MARCHF1: variants seen among roughly 807,000 people sequenced by gnomAD.
The protein encoded by MARCHF1 is E3 ubiquitin-protein ligase MARCHF1.
A neutral mutation model predicts 54.2 loss-of-function variants in MARCHF1; 40 were observed. The ratio of observed to expected loss-of-function variants is 0.74; its 90% CI spans 0.57 to 0.96. The LOEUF (loss-of-function observed/expected upper bound fraction) is 0.96, where lower values mean the gene tolerates loss of function less well. Ranked by LOEUF, MARCHF1 falls within the 40% of genes least tolerant of loss-of-function variation. MARCHF1 has a pLI of 0.00. For synonymous variants in MARCHF1, 236 were observed against 236.3 expected, an observed-to-expected ratio of 1.00 and a Z score of 0.01; for missense variants, 586 against 656.5, an observed-to-expected ratio of 0.89 and a Z score of 1.17.
chr4:163,805,094 T>C (rs1368967408), intron 4 of MARCHF1, among the ~76,000 whole-genome samples: 2 of 152,150 alleles, frequency 1.3e-5, no homozygotes, highest in African/African-American at 4.8e-5. Flanking sequence ...TATATACATA[T>C]GTACCCACAT....
At chr4:163,743,657 C>T (rs1194273535) in intron 4 of MARCHF1, among the ~76,000 whole-genome samples, 1 of 149,050 alleles carries the variant, frequency 6.7e-6, no homozygotes, top group African/African-American at 2.5e-5. Context: ...GGGCTCACTG[C>T]AAGCTCCGCT....
intron 1 of MARCHF1, among the ~76,000 whole-genome samples, chr4:164,278,783 C>T (rs554729343): frequency 4.6e-5 from 7 of 152,208 alleles, no homozygotes; most frequent in African/African-American, 1.2e-4. Context: ...AAGAGGGGAG[C>T]GGTTAAAACC....
intron 5 of MARCHF1, among the ~76,000 whole-genome samples, chr4:163,650,312 A>G (rs1742919599): frequency 6.6e-6 from 1 of 152,026 alleles, no homozygotes; most frequent in Non-Finnish European, 1.5e-5. Flanking sequence ...GTTAAAGGTT[A>G]GAAGTAAATA....
intron 1 of MARCHF1, among the ~76,000 whole-genome samples, chr4:164,114,400 T>A (rs927097980): frequency 4.0e-5 from 6 of 151,820 alleles, no homozygotes; most frequent in African/African-American, 1.2e-4. Flanking sequence ...GCTTCCAGTA[T>A]GATATGAATT....
intron 5 of MARCHF1, among the ~76,000 whole-genome samples, chr4:163,644,245 C>G (rs1396894107): frequency 1.3e-5 from 2 of 152,150 alleles, no homozygotes; most frequent in Non-Finnish European, 2.9e-5. Context: ...ATTTCCCAGC[C>G]ATCCATTGCA....
At chr4:163,565,282 T>C (rs539215394) in intron 8 of MARCHF1, among the ~76,000 whole-genome samples, 205 of 152,334 alleles carry the variant, frequency 1.3e-3, no homozygotes, top group African/African-American at 4.6e-3. Flanking sequence ...TTCACTGTAA[T>C]GACATGATAT....
At chr4:164,165,126 A>T (rs1200384917) in intron 1 of MARCHF1, among the ~76,000 whole-genome samples, 2 of 151,972 alleles carry the variant, frequency 1.3e-5, no homozygotes, top group Non-Finnish European at 2.9e-5. Flanking sequence ...AGAATCTTTG[A>T]GCTGTGGTTC....
intron 1 of MARCHF1, among the ~76,000 whole-genome samples, chr4:164,203,480 C>T (rs952312211): frequency 2.6e-5 from 4 of 152,158 alleles, no homozygotes; most frequent in Admixed American, 2.0e-4. Context: ...TTCCTTCTTA[C>T]TCCATGGAAG....
intron 3 of MARCHF1, among the ~76,000 whole-genome samples, chr4:163,959,086 C>T (rs1018072974): frequency 6.6e-6 from 1 of 151,756 alleles, no homozygotes; most frequent in Non-Finnish European, 1.5e-5. Context: ...AATCTGTTCC[C>T]CAGGTTGATC....
At chr4:164,104,052 A>G (rs909499688) in intron 2 of MARCHF1, among the ~76,000 whole-genome samples, 4 of 151,568 alleles carry the variant, frequency 2.6e-5, no homozygotes, top group Non-Finnish European at 5.9e-5. Context: ...GCACTCTCCC[A>G]AGACTAAACC....
chr4:163,579,051 C>G (rs1462909512), intron 8 of MARCHF1, among the ~76,000 whole-genome samples: 1 of 152,120 alleles, frequency 6.6e-6, no homozygotes, highest in African/African-American at 2.4e-5. Context: ...TCTGAACAAC[C>G]TACTCTATAA....
Position 163,994,257 on chromosome 4 carries a change from A to AGGTGT in MARCHF1, c.-247-5549_-247-5548insACACC, listed in dbSNP as rs1240127790. 2.4e-3 allele frequency among the ~76,000 whole-genome samples: 323 copies of AGGTGT among 137,130 alleles called. 1 individual carries two copies. Among genetic ancestry groups the AGGTGT allele is most frequent in the African/African-American group, 8.4e-3 (311 of 36,870 alleles). 90.0% of individuals were successfully genotyped at this position (137,130 alleles called of 152,430 possible). A position where few individuals can be genotyped will look rare whatever the true frequency, so the allele number is the denominator to read the frequency against. On this transcript the variant is annotated intron_variant, in intron 2 of 9. Transcript: ENST00000514618. ...TATCGCTGAAGAATGATAGAGAAAA[A>AGGTGT]GTGTGTGTGTGTGTGTGTGTGTGTG...
At chr4:164,172,980 C>A (rs1222356467) in intron 1 of MARCHF1, among the ~76,000 whole-genome samples, 1,217 of 127,496 alleles carry the variant, frequency 9.5e-3, no homozygotes, top group Non-Finnish European at 0.011. Context: ...GACTCCGTCT[C>A]AAAAAAAAAA....
At chr4:163,696,819 G>A (rs1744648671) in intron 5 of MARCHF1, among the ~76,000 whole-genome samples, 1 of 151,954 alleles carries the variant, frequency 6.6e-6, no homozygotes, top group South Asian at 2.1e-4. Context: ...CTGCTACCCT[G>A]TCCCAATTAG....
At chr4:164,114,169 G>A (rs954643890) in intron 1 of MARCHF1, among the ~76,000 whole-genome samples, 2 of 151,712 alleles carry the variant, frequency 1.3e-5, no homozygotes, top group African/African-American at 2.4e-5. Context: ...CCTATCAGTC[G>A]ATTTATCTAT....
At chr4:163,978,786 T>C (rs1394154949) in intron 3 of MARCHF1, among the ~76,000 whole-genome samples, 6 of 152,068 alleles carry the variant, frequency 3.9e-5, no homozygotes, top group Admixed American at 6.6e-5. Context: ...CAGGCTGGAG[T>C]ACAGTGGCTC....
intron 5 of MARCHF1, among the ~76,000 whole-genome samples, chr4:163,663,068 C>T (rs970879911): frequency 1.3e-5 from 2 of 151,922 alleles, no homozygotes; most frequent in African/African-American, 2.4e-5. Context: ...TAATATAAGT[C>T]TGTGATTACA....
At position 164,324,568 on chromosome 4, in the gene MARCHF1, G is replaced by T. The variant is rs867541177; in HGVS notation, c.-323+59302C>A. ...ATACTCAATGTAATAATTCAATAAA[G>T]TTCTGAATGAAAGAAGCTAGAAGAA... is the stretch of plus-strand genomic sequence containing the variant. On this transcript the variant is annotated intron_variant, in intron 1 of 9. Transcript: ENST00000514618. Among the ~76,000 whole-genome samples, 6 of 151,568 alleles carry T rather than the reference G, an allele frequency of 4.0e-5. No homozygotes were observed. The South Asian group carries it at 1.3e-3, about 32-fold the overall frequency.
At chr4:163,639,183 T>G (rs1048009075) in intron 5 of MARCHF1, among the ~76,000 whole-genome samples, 10 of 152,308 alleles carry the variant, frequency 6.6e-5, no homozygotes, top group African/African-American at 2.4e-4. Flanking sequence ...TTATGTGTAT[T>G]TAACCACAAA....
Sources: gnomAD v4.1 joint callset for allele counts (sites outside exome capture counted in the v4.1 genomes callset) on GRCh38, gnomAD v4.1.1 for gene constraint, MANE v1.5 for transcripts, NCBI Gene and HGNC (gene_info 2026-07-23, HGNC 2026-07-21) for gene names.